Variants in IL7 observed in about 807,000 individuals in gnomAD.
IL7 encodes interleukin-7.
In IL7, 3 loss-of-function variants were observed where a neutral mutation model predicts 21.6. The observed-to-expected ratio is 0.14, with a 90% CI of 0.06 to 0.36. IL7 has a LOEUF of 0.36. IL7 is among the 10% of genes least tolerant of loss of function. The pLI, the probability that IL7 is intolerant of heterozygous loss-of-function variation, is 1.00. For missense variants in IL7, 175 were observed against 200.2 expected (o/e 0.87, Z 0.76); for synonymous variants, 62 against 68.1 (o/e 0.91, Z 0.44).
At chr8:78,776,872 CA>C (rs1450937631) in intron 2 of IL7, among the ~76,000 whole-genome samples, 1 of 152,050 alleles carries the variant, frequency 6.6e-6, no homozygotes, top group East Asian at 1.9e-4. Context: ...AATATTGACA[CA>C]GGGTCCACAC....
intron 3 of IL7, among the ~76,000 whole-genome samples, chr8:78,695,118 TAAAC>T (rs1268267280): frequency 6.6e-6 from 1 of 152,202 alleles, no homozygotes; most frequent in East Asian, 1.9e-4. Context: ...AATAATGTTT[TAAAC>T]AAGCAGTTTT....
At chr8:78,740,952 CTAAGGTTT>C (rs1436928255) in intron 2 of IL7, among the ~76,000 whole-genome samples, 1 of 152,014 alleles carries the variant, frequency 6.6e-6, no homozygotes, top group Non-Finnish European at 1.5e-5. Flanking sequence ...GAAAAACCTC[CTAAGGTTT>C]CAGATTTTCT....
chr8:78,773,081 T>C (rs1813013249), intron 2 of IL7, among the ~76,000 whole-genome samples: 1 of 152,152 alleles, frequency 6.6e-6, no homozygotes, highest in African/African-American at 2.4e-5. Context: ...TAGTTCAGGG[T>C]CACTTTCCAA....
chr8:78,708,366 G>A (rs1251809182), intron 3 of IL7, among the ~76,000 whole-genome samples: 1 of 151,866 alleles, frequency 6.6e-6, no homozygotes, highest in Non-Finnish European at 1.5e-5. Flanking sequence ...CATATGTTTG[G>A]TTGTTTGCTT....
downstream of IL7, among the ~76,000 whole-genome samples, chr8:78,716,497 C>T (rs1282661392): frequency 6.6e-6 from 1 of 151,992 alleles, no homozygotes; most frequent in African/African-American, 2.4e-5. Context: ...TATTGCATCA[C>T]AATAATTTAA....
At chr8:78,727,870 G>A (rs1563410349), downstream of IL7, among the ~76,000 whole-genome samples, 1 of 151,848 alleles carries the variant, frequency 6.6e-6, no homozygotes, top group African/African-American at 2.4e-5. Flanking sequence ...TGTCTTTGTA[G>A]AAAATCTCAC....
At chr8:78,764,511 C>G (rs551337478) in intron 2 of IL7, among the ~76,000 whole-genome samples, 8 of 151,832 alleles carry the variant, frequency 5.3e-5, no homozygotes, top group Non-Finnish European at 1.2e-4. Flanking sequence ...AGAAATAAGT[C>G]AATCACTTTT....
intron 3 of IL7, chr8:78,697,330 G>C: frequency 8.5e-7 from 1 of 1,180,672 alleles, no homozygotes; most frequent in Admixed American, 2.7e-5. Context: ...CCCAAAGAAT[G>C]TTAAGTTTTG....
intron 3 of IL7, among the ~76,000 whole-genome samples, chr8:78,688,006 G>T (rs1022867940): frequency 9.6e-5 from 14 of 146,472 alleles, no homozygotes; most frequent in African/African-American, 3.5e-4. Context: ...AATATAAAAT[G>T]AGCATGGCTG....
intron 3 of IL7, among the ~76,000 whole-genome samples, chr8:78,696,815 C>T (rs1810432483): frequency 6.6e-6 from 1 of 152,078 alleles, no homozygotes; most frequent in Admixed American, 6.6e-5. Flanking sequence ...GGAAATATGG[C>T]TGAATTATAT....
intron 3 of IL7, among the ~76,000 whole-genome samples, chr8:78,727,262 G>T (rs1458197734): frequency 2.0e-5 from 3 of 151,892 alleles, no homozygotes; most frequent in African/African-American, 7.3e-5. Flanking sequence ...TGTAATTCCT[G>T]GCATAGAACA....
At chr8:78,777,485 G>T (rs909172513) in intron 2 of IL7, among the ~76,000 whole-genome samples, 1 of 151,960 alleles carries the variant, frequency 6.6e-6, no homozygotes, top group South Asian at 2.1e-4. Context: ...GGTGCTGGGG[G>T]CCATTTCAGT....
chr8:78,760,090 C>T lies in IL7; in HGVS notation c.148-20008G>A, dbSNP rs933837221. 4.2e-5 allele frequency: 62 copies of T among 1,468,372 alleles called. No individual in the cohort carries two copies. In the East Asian group the frequency reaches 9.5e-4, roughly 23 times the overall value. 91.0% of individuals were successfully genotyped at this position (1,468,372 alleles called of 1,614,324 possible). The stretch of plus-strand genomic sequence containing the variant: ...GATTAAGTGGCCTACATACACCTTA[C>T]GGCTTTTACTTCCAAATATCAAATA... On this transcript the variant is annotated intron_variant, in intron 2 of 5. Coordinates refer to ENST00000263851, the MANE Select transcript of IL7 (RefSeq NM_000880.4).
In IL7 at chr8:78,682,310, C is replaced by T. The variant is rs573600608; in HGVS notation, n.273+3579G>A. On this transcript the variant is annotated intron_variant and non_coding_transcript_variant, in intron 4 of 4. Transcript: ENST00000523959. ...AATTGGATGCATAGATGTATTAGTC[C>T]ATTTTCCTACTGCTATTAAGAAATA... 2.9e-4 allele frequency among the ~76,000 whole-genome samples: 44 copies of T among 149,388 alleles called. No homozygotes were observed. In the South Asian group the frequency reaches 8.5e-3, roughly 29 times the overall value.
chr8:78,685,348 A>G lies in IL7; in HGVS notation n.273+541T>C, dbSNP rs572969129. Among the ~76,000 whole-genome samples the G allele has an allele frequency of 5.9e-5, 9 of 152,354 alleles. No individual in the cohort carries two copies. In the South Asian group the frequency reaches 1.9e-3, roughly 32 times the overall value. ...TAAAATATTTAGGAAATTTTAATTG[A>G]AACTGGAAGTTGTAGAAGGAAGCAT... On this transcript the variant is annotated intron_variant and non_coding_transcript_variant, in intron 4 of 4. Coordinates refer to the IL7 transcript ENST00000523959.
chr8:78,694,208 A>C (rs1180293953), intron 3 of IL7, among the ~76,000 whole-genome samples: 1 of 151,058 alleles, frequency 6.6e-6, no homozygotes, highest in Non-Finnish European at 1.5e-5. Context: ...ATTTCTTTAA[A>C]TGTAGTACTC....
At chr8:78,761,163 T>C in intron 2 of IL7, 1 of 1,590,222 alleles carries the variant, frequency 6.3e-7, no homozygotes, top group African/African-American at 1.4e-5. Flanking sequence ...GAATGGCAGA[T>C]TTCCTTCAGT....
At chr8:78,745,431 T>C (rs1441850) in intron 2 of IL7, among the ~76,000 whole-genome samples, 47,956 of 152,082 alleles carry the variant, frequency 0.32, 8,420 homozygotes, top group African/African-American at 0.47. Context: ...TCTGTATTTC[T>C]CCAAAATCCA....
chr8:78,709,474 G>A (rs2369440), intron 3 of IL7, among the ~76,000 whole-genome samples: 104,163 of 151,884 alleles, frequency 0.69, 36,543 homozygotes, highest in East Asian at 0.91. Flanking sequence ...TCCAGACCTC[G>A]GTTTCTTATG....
Sources: allele counts gnomAD v4.1 joint callset (sites outside exome capture counted in the v4.1 genomes callset), GRCh38; gene constraint gnomAD v4.1.1; transcripts MANE v1.5; gene names NCBI Gene and HGNC (gene_info 2026-07-23, HGNC 2026-07-21).